The following DPYD variants were observed in gnomAD, a reference collection of about 807,000 sequenced individuals.
The protein encoded by DPYD is dihydropyrimidine dehydrogenase, also known as dihydropyrimidine dehydrogenase [NADP(+)].
A neutral mutation model predicts 116.2 loss-of-function variants in DPYD; 109 were observed. The observed-to-expected ratio is 0.94, with a 90% CI of 0.80 to 1.10. The LOEUF is 1.10. DPYD is among the 50% of genes least tolerant of loss of function. The probability of loss-of-function intolerance (pLI) is 0.00; values close to 1 mark genes in which losing one functional copy is unlikely to be tolerated. For synonymous variants in DPYD, 440 were observed against 432.0 expected (o/e 1.02, Z -0.23); for missense variants, 1,302 against 1,254.5 (o/e 1.04, Z -0.57).
At chr1:97,161,819 G>A (rs1179261072) in intron 20 of DPYD, among the ~76,000 whole-genome samples, 1 of 148,970 alleles carries the variant, frequency 6.7e-6, no homozygotes, top group Non-Finnish European at 1.5e-5. Context: ...AGAACATGGG[G>A]TGTTTGGTTT....
chr1:97,657,471 T>G (rs1658994886), intron 8 of DPYD, among the ~76,000 whole-genome samples: 1 of 152,212 alleles, frequency 6.6e-6, no homozygotes, highest in Admixed American at 6.5e-5. Flanking sequence ...ACTTATAAAG[T>G]TGTCAATATT....
intron 11 of DPYD, among the ~76,000 whole-genome samples, chr1:97,560,651 T>C (rs1390826835): frequency 7.2e-5 from 11 of 151,786 alleles, no homozygotes; most frequent in Non-Finnish European, 1.6e-4. Flanking sequence ...CCCATCCTTG[T>C]GTGTTGTAAA....
chr1:97,259,482 C>T (rs887495279), intron 18 of DPYD, among the ~76,000 whole-genome samples: 3 of 152,032 alleles, frequency 2.0e-5, no homozygotes, highest in Non-Finnish European at 2.9e-5. Context: ...AAGTGCCCCT[C>T]CTGCCTCAGC....
intron 3 of DPYD, among the ~76,000 whole-genome samples, chr1:97,748,441 T>C (rs1232159932): frequency 1.3e-5 from 2 of 152,040 alleles, no homozygotes; most frequent in East Asian, 3.9e-4. Flanking sequence ...ACCCCATCTC[T>C]ACTAAAAATT....
intron 20 of DPYD, among the ~76,000 whole-genome samples, chr1:97,149,462 A>G (rs527389447): frequency 4.3e-4 from 65 of 152,290 alleles, no homozygotes; most frequent in Admixed American, 9.8e-4. Context: ...CATGTTGGCC[A>G]GGCTGGCCTC....
chr1:97,797,962 T>C (rs774684366), intron 3 of DPYD: 1 of 152,116 alleles, frequency 6.6e-6, no homozygotes, highest in Non-Finnish European at 1.5e-5. Flanking sequence ...TGGCATATCA[T>C]AGATTTCTGT....
At chr1:97,606,925 C>T (rs532592933) in intron 8 of DPYD, among the ~76,000 whole-genome samples, 20 of 151,988 alleles carry the variant, frequency 1.3e-4, no homozygotes, top group South Asian at 4.2e-4. Context: ...AGCTTACCCT[C>T]CTGGGGCAAC....
chr1:97,521,123 C>A (rs1218061537), intron 12 of DPYD, among the ~76,000 whole-genome samples: 2 of 152,184 alleles, frequency 1.3e-5, no homozygotes, highest in African/African-American at 4.8e-5. Context: ...TTCTCCATAT[C>A]CTCTCCAGCA....
intron 19 of DPYD, among the ~76,000 whole-genome samples, chr1:97,209,733 C>A (rs1020634805): frequency 5.3e-5 from 8 of 152,168 alleles, no homozygotes; most frequent in Non-Finnish European, 8.8e-5. Flanking sequence ...ACTGAAATCC[C>A]ATCATTTTCC....
At position 97,113,286 on chromosome 1, in the gene DPYD, G is replaced by T. The variant is rs539647764; in HGVS notation, c.2623-14654C>A. Among the ~76,000 whole-genome samples the T allele has an allele frequency of 5.3e-5, 8 of 152,170 alleles. 1 individual carries two copies. The South Asian group carries it at 1.5e-3, about 28-fold the overall frequency. On this transcript the variant is annotated intron_variant, in intron 20 of 22. Transcript: ENST00000370192. The stretch of plus-strand genomic sequence containing the variant: ...TCTAGGGATGGTTTTTCCATTTAGG[G>T]ATAATCTGGGCCCTTGTGTTACTGC...
intron 13 of DPYD, among the ~76,000 whole-genome samples, chr1:97,487,833 A>C (rs1015781891): frequency 3.9e-5 from 6 of 152,222 alleles, no homozygotes; most frequent in African/African-American, 1.4e-4. Context: ...GGGAATATAA[A>C]ATGTTACAGC....
At chr1:97,550,536 C>A (rs149824840) in intron 11 of DPYD, among the ~76,000 whole-genome samples, 1 of 152,004 alleles carries the variant, frequency 6.6e-6, no homozygotes, top group Non-Finnish European at 1.5e-5. Context: ...TCAATGGATG[C>A]AATTTAGAGA....
At chr1:97,729,593 A>C (rs907621152) in intron 4 of DPYD, among the ~76,000 whole-genome samples, 1 of 152,112 alleles carries the variant, frequency 6.6e-6, no homozygotes, top group African/African-American at 2.4e-5. Context: ...TACAGAAAGA[A>C]AGAAGCAAAA....
chr1:97,797,223 A>C (rs557213839), intron 3 of DPYD: 1 of 152,276 alleles, frequency 6.6e-6, no homozygotes, highest in South Asian at 2.1e-4. Flanking sequence ...AGCCATACAA[A>C]CACATATATA....
At chr1:97,110,659 T>C (rs749247365) in intron 20 of DPYD, among the ~76,000 whole-genome samples, 4 of 152,132 alleles carry the variant, frequency 2.6e-5, no homozygotes, top group Non-Finnish European at 5.9e-5. Flanking sequence ...TTAAGCATTT[T>C]TAATAGTGTC....
intron 19 of DPYD, among the ~76,000 whole-genome samples, chr1:97,213,380 G>A (rs907484243): frequency 6.6e-6 from 1 of 152,086 alleles, no homozygotes; most frequent in Non-Finnish European, 1.5e-5. Context: ...AATTTGCAAA[G>A]TGACAACATA....
chr1:97,096,996 T>A (rs1260518468), intron 21 of DPYD, among the ~76,000 whole-genome samples: 1 of 152,010 alleles, frequency 6.6e-6, no homozygotes, highest in Non-Finnish European at 1.5e-5. Flanking sequence ...ACACACTATA[T>A]CTCCAAATCA....
At chr1:97,243,536 C>A (rs1452618255) in intron 18 of DPYD, among the ~76,000 whole-genome samples, 1 of 151,840 alleles carries the variant, frequency 6.6e-6, no homozygotes, top group Non-Finnish European at 1.5e-5. Flanking sequence ...CAACACCATG[C>A]TCTTAACCAC....
At chr1:97,443,449 T>C (rs1675912534) in intron 14 of DPYD, among the ~76,000 whole-genome samples, 1 of 152,162 alleles carries the variant, frequency 6.6e-6, no homozygotes, top group Non-Finnish European at 1.5e-5. Context: ...TAGTCTTCCC[T>C]TCAATAGTTG....
Sources: gnomAD v4.1 joint callset for allele counts (sites outside exome capture counted in the v4.1 genomes callset) on GRCh38, gnomAD v4.1.1 for gene constraint, MANE v1.5 for transcripts, NCBI Gene and HGNC (gene_info 2026-07-23, HGNC 2026-07-21) for gene names.